CSMD2: variants seen among roughly 807,000 people sequenced by gnomAD.
CSMD2 encodes the protein CUB and sushi domain-containing protein 2.
CSMD2 carries 130 observed loss-of-function variants against 398.5 expected under a neutral mutation model. The observed-to-expected ratio is 0.33, with a 90% CI of 0.28 to 0.38. The LOEUF is 0.38. CSMD2 is among the 10% of genes least tolerant of loss of function. CSMD2 has a pLI of 1.00. For synonymous variants in CSMD2, 1,828 were observed against 1,908.5 expected, an observed-to-expected ratio of 0.96 and a Z score of 1.10; for missense variants, 3,829 against 4,764.9, an observed-to-expected ratio of 0.80 and a Z score of 5.78.
chr1:33,862,001 T>G (rs142812398), intron 5 of CSMD2, among the ~76,000 whole-genome samples: 388 of 152,258 alleles, frequency 2.5e-3, no homozygotes, highest in African/African-American at 8.8e-3. Context: ...TGGGATCCTC[T>G]GATGTGGCTC....
At chr1:33,982,200 G>T (rs1021514007) in intron 3 of CSMD2, among the ~76,000 whole-genome samples, 1 of 152,102 alleles carries the variant, frequency 6.6e-6, no homozygotes, top group East Asian at 1.9e-4. Flanking sequence ...CAGTTTTCTT[G>T]GGGGGCTACT....
chr1:33,699,389 TC>T (rs1645531620), intron 23 of CSMD2, among the ~76,000 whole-genome samples: 1 of 152,188 alleles, frequency 6.6e-6, no homozygotes, highest in Non-Finnish European at 1.5e-5. Context: ...TATGCAGAGC[TC>T]CCACTCTACG....
chr1:33,662,986 G>A lies in CSMD2; in HGVS notation c.4159C>T (p.Leu1387=), dbSNP rs780010758. ...AAGGTGCTATGCAGGTCCTTGGGCA[G>A]GGCCGGGCCACTCAGCTCCTTCAGC... ...VLLKELSGPA[L]PKDLHSTFNS... is the part of the protein sequence containing the mutation. Residue 1387 remains leucine (L), a synonymous_variant, in exon 26 of 71, where the codon CTG becomes TTG. Coordinates refer to ENST00000373381, the MANE Select transcript of CSMD2 (RefSeq NM_001281956.2). The A allele has an allele frequency of 2.5e-6, 4 of 1,614,044 alleles. No homozygotes were observed. The highest frequency in any genetic ancestry group is 3.4e-6 in the Non-Finnish European group (4 of 1,180,034).
Position 33,519,358 on chromosome 1 carries a change from GGGTGTGTCTATGT to G in CSMD2, c.*53+94_*53+106del, listed in dbSNP as rs1161768881. The G allele has an allele frequency of 1.4e-5, 9 of 652,448 alleles. No homozygotes were observed. The highest frequency in any genetic ancestry group is 1.9e-5 in the Non-Finnish European group (7 of 375,832). The allele number at this position is 652,448 out of a possible 1,614,324, so 40.4% of individuals were successfully genotyped here. ...CTCAATGCACAGCTCTCCTCTTACT[GGGTGTGTCTATGT>G]GGTGTGTGCGACTCCGTTGGGTGGA... is the stretch of plus-strand genomic sequence containing the variant. On this transcript the variant is annotated intron_variant, in intron 70 of 70. Transcript: ENST00000373381. The surrounding 1 kb of genome is among the most constrained non-coding windows in gnomAD (Gnocchi z 5.6).
At chr1:33,833,312 T>C (rs1296803210) in intron 6 of CSMD2, among the ~76,000 whole-genome samples, 3 of 108,050 alleles carry the variant, frequency 2.8e-5, no homozygotes, top group Non-Finnish European at 5.3e-5. Context: ...CATGATCAAA[T>C]GAGCTTCATC....
chr1:33,900,781 A>C (rs1301491826), intron 5 of CSMD2, among the ~76,000 whole-genome samples: 1 of 118,202 alleles, frequency 8.5e-6, no homozygotes, highest in African/African-American at 3.2e-5. Flanking sequence ...ACTCCATCTC[A>C]AAAAAAAAAA....
rs950838943 is a variant in CSMD2 at position 33,514,883 on chromosome 1, A to C, written c.*1741T>G. On this transcript the variant is annotated 3_prime_UTR_variant, in exon 71 of 71. Transcript: ENST00000373381. ...CTCTCACTTTCCTCTGGCCACTCTTAACATCAGTCAGATCTTCTAATTGTT... is the reference window on the plus strand; with the variant it reads ...CTCTCACTTTCCTCTGGCCACTCTTCACATCAGTCAGATCTTCTAATTGTT... The C allele has an allele frequency of 2.0e-5, 3 of 152,130 alleles. No homozygotes were observed. The East Asian group carries it at 5.8e-4, about 29-fold the overall frequency. 9.4% of individuals were successfully genotyped at this position (152,130 alleles called of 1,614,324 possible). A position where few individuals can be genotyped will look rare whatever the true frequency, so the allele number is the denominator to read the frequency against.
intron 64 of CSMD2, among the ~76,000 whole-genome samples, chr1:33,531,028 T>A (rs1411447992): frequency 1.3e-5 from 2 of 152,138 alleles, no homozygotes; most frequent in East Asian, 3.8e-4. Flanking sequence ...AAGTTCAAGA[T>A]CTCTTGTACA....
intron 55 of CSMD2, among the ~76,000 whole-genome samples, chr1:33,556,771 A>G (rs79008938): frequency 6.6e-6 from 1 of 152,188 alleles, no homozygotes; most frequent in African/African-American, 2.4e-5. Context: ...TGCTATTCTC[A>G]TGATAGTGAG....
chr1:33,985,899 C>T (rs922026722), intron 3 of CSMD2, among the ~76,000 whole-genome samples: 1 of 152,178 alleles, frequency 6.6e-6, no homozygotes, highest in Non-Finnish European at 1.5e-5. Context: ...GCTGCCAGGG[C>T]ACAGCGACTC....
chr1:33,993,774 A>C (rs1646637822), intron 3 of CSMD2, among the ~76,000 whole-genome samples: 1 of 151,996 alleles, frequency 6.6e-6, no homozygotes, highest in South Asian at 2.1e-4. Flanking sequence ...TGCCCCACCC[A>C]GTTGCTTTCT....
intron 3 of CSMD2, among the ~76,000 whole-genome samples, chr1:33,974,185 C>G (rs745336001): frequency 6.6e-6 from 1 of 152,166 alleles, no homozygotes; most frequent in Non-Finnish European, 1.5e-5. Context: ...GCAAACATCC[C>G]CGGTATATCA....
chr1:33,806,716 C>G (rs949071238), intron 10 of CSMD2, among the ~76,000 whole-genome samples: 1 of 152,014 alleles, frequency 6.6e-6, no homozygotes, highest in African/African-American at 2.4e-5. Context: ...TGACTAAGAA[C>G]GTTTGAAAAA....
intron 6 of CSMD2, among the ~76,000 whole-genome samples, chr1:33,831,112 T>C (rs9725472): frequency 0.79 from 119,323 of 151,876 alleles, 47,727 homozygotes; most frequent in East Asian, 0.94. Flanking sequence ...GGAGAACTTC[T>C]CCAATCTAGC....
chr1:33,951,306 T>C (rs922047028), intron 3 of CSMD2, among the ~76,000 whole-genome samples: 3 of 152,232 alleles, frequency 2.0e-5, no homozygotes, highest in Non-Finnish European at 4.4e-5. Flanking sequence ...TGCTCATTCA[T>C]TAACTCATTC....
chr1:33,658,146 A>C lies in CSMD2; in HGVS notation c.4256-9T>G. ...GGACGTTGCTGTGGACACTGGGGCA[A>C]GGAAATAGAAGAGAGGGTAAGGTCG... On this transcript the variant is annotated splice_polypyrimidine_tract_variant and intron_variant, in intron 26 of 70. Coordinates refer to ENST00000373381, the MANE Select transcript of CSMD2 (RefSeq NM_001281956.2). 1 of 1,608,554 alleles carries C rather than the reference A, an allele frequency of 6.2e-7. No homozygotes were observed. The highest frequency in any genetic ancestry group is 8.5e-7 in the Non-Finnish European group (1 of 1,175,432).
Position 33,963,130 on chromosome 1 carries a change from G to A in CSMD2, c.518-27176C>T, listed in dbSNP as rs544754749. On this transcript the variant is annotated intron_variant, in intron 3 of 70. Transcript: ENST00000373381. ...TCCTCACCCTGGATCCAACAACAGT[G>A]TCTTAAATGCAACCCCAGCCACACC... Among the ~76,000 whole-genome samples, 547 of 152,332 alleles carry A rather than the reference G, an allele frequency of 3.6e-3. 2 individuals carry two copies. The highest frequency in any genetic ancestry group is 6.8e-3 in the South Asian group (33 of 4,822).
At chr1:33,634,225 A>C (rs974058009) in intron 31 of CSMD2, among the ~76,000 whole-genome samples, 1 of 152,162 alleles carries the variant, frequency 6.6e-6, no homozygotes, top group Non-Finnish European at 1.5e-5. Context: ...AGCTATGGGT[A>C]GAGATGAGAC....
At chr1:33,983,825 C>G (rs564173392) in intron 3 of CSMD2, among the ~76,000 whole-genome samples, 2 of 152,130 alleles carry the variant, frequency 1.3e-5, no homozygotes, top group East Asian at 3.9e-4. Context: ...TCAGGGCAGA[C>G]GAAAGACTTG....
Sources: allele counts gnomAD v4.1 joint callset (sites outside exome capture counted in the v4.1 genomes callset), GRCh38; gene constraint gnomAD v4.1.1; non-coding constraint Gnocchi (gnomAD v3.1); transcripts MANE v1.5; gene names NCBI Gene and HGNC (gene_info 2026-07-23, HGNC 2026-07-21).